SORCS1: variants seen among roughly 807,000 people sequenced by gnomAD.
SORCS1 encodes the protein sortilin related VPS10 domain containing receptor 1, also known as VPS10 domain-containing receptor SorCS1.
In SORCS1, 60 loss-of-function variants were observed where a neutral mutation model predicts 146.1. The ratio of observed to expected loss-of-function variants is 0.41; its 90% CI spans 0.33 to 0.51. SORCS1 has a LOEUF of 0.51. Ranked by LOEUF, SORCS1 falls within the 20% of genes least tolerant of loss-of-function variation. The pLI, the probability that SORCS1 is intolerant of heterozygous loss-of-function variation, is 0.21. For synonymous variants in SORCS1, 637 were observed against 584.0 expected (o/e 1.09, Z -1.31); for missense variants, 1,352 against 1,487.6 (o/e 0.91, Z 1.50).
At chr10:106,816,397 CAT>C (rs940693112) in intron 3 of SORCS1, among the ~76,000 whole-genome samples, 6 of 152,270 alleles carry the variant, frequency 3.9e-5, no homozygotes, top group African/African-American at 1.2e-4. Flanking sequence ...GCTGGTAACT[CAT>C]ATAATTTGAT....
At chr10:106,911,201 G>A (rs967924226) in intron 2 of SORCS1, among the ~76,000 whole-genome samples, 1 of 152,214 alleles carries the variant, frequency 6.6e-6, no homozygotes, top group Non-Finnish European at 1.5e-5. Context: ...TGCGACTGAT[G>A]ACACCAGTAG....
intron 2 of SORCS1, among the ~76,000 whole-genome samples, chr10:106,885,178 G>T (rs1950947817): frequency 6.6e-6 from 1 of 150,902 alleles, no homozygotes; most frequent in African/African-American, 2.4e-5. Flanking sequence ...GAGGCTAAGT[G>T]CTACAATAAT....
intron 4 of SORCS1, among the ~76,000 whole-genome samples, chr10:106,765,572 G>A (rs760352768): frequency 2.6e-4 from 40 of 152,084 alleles, no homozygotes; most frequent in Non-Finnish European, 4.3e-4. Flanking sequence ...CCAGTTGGGT[G>A]GTAGGCACTG....
At chr10:106,658,758 G>T (rs907677645) in intron 17 of SORCS1, among the ~76,000 whole-genome samples, 1 of 152,142 alleles carries the variant, frequency 6.6e-6, no homozygotes, top group African/African-American at 2.4e-5. Context: ...TGTAACTATA[G>T]ATCTCTCACA....
rs148410502 is a variant in SORCS1, at chr10:107,000,945, G to C, written c.559-44365C>G. ...ATTTGTAGAAGCAAAAATAGTGGGA[G>C]ATTTAATAGAGATCATGTAAAGAAT... On this transcript the variant is annotated intron_variant, in intron 1 of 25. Transcript: ENST00000263054. Among the ~76,000 whole-genome samples the C allele has an allele frequency of 1.1e-4, 16 of 151,952 alleles. No homozygotes were observed. The South Asian group carries it at 1.9e-3, about 18-fold the overall frequency.
chr10:106,678,374 G>A (rs1422624104), intron 12 of SORCS1, among the ~76,000 whole-genome samples: 4 of 152,050 alleles, frequency 2.6e-5, no homozygotes, highest in Non-Finnish European at 5.9e-5. Context: ...TTCCTCCTCC[G>A]CTCAAAATAT....
At chr10:106,971,729 A>C (rs1175103473) in intron 1 of SORCS1, among the ~76,000 whole-genome samples, 1 of 152,136 alleles carries the variant, frequency 6.6e-6, no homozygotes, top group South Asian at 2.1e-4. Flanking sequence ...GCTCTGTGGG[A>C]TTTTTGAAGG....
At chr10:106,587,544 G>A (rs11594304) in intron 24 of SORCS1, among the ~76,000 whole-genome samples, 30,494 of 152,156 alleles carry the variant, frequency 0.2, 3,292 homozygotes, top group East Asian at 0.35. Flanking sequence ...GACCTAGGTC[G>A]AAATTTGAAG....
At chr10:107,040,854 T>C (rs1389401708) in intron 1 of SORCS1, among the ~76,000 whole-genome samples, 2 of 152,254 alleles carry the variant, frequency 1.3e-5, no homozygotes, top group East Asian at 3.9e-4. Flanking sequence ...GCGTTGGAAA[T>C]GTCAATACCT....
intron 1 of SORCS1, among the ~76,000 whole-genome samples, chr10:107,154,639 C>A (rs1969131414): frequency 6.6e-6 from 1 of 152,000 alleles, no homozygotes; most frequent in South Asian, 2.1e-4. Context: ...GGACAGTGCC[C>A]CAATCTTCAA....
In SORCS1 at chr10:107,005,942, T is replaced by A. The variant is rs185488940; in HGVS notation, c.559-49362A>T. On this transcript the variant is annotated intron_variant, in intron 1 of 25. Transcript: ENST00000263054. ...CCACCATGATAGAAAATTATATCAA[T>A]TGCCCATTCTTGATTTTGTGGTAAT... Among the ~76,000 whole-genome samples, 9 of 152,330 alleles carry A rather than the reference T, an allele frequency of 5.9e-5. No individual in the cohort carries two copies. The East Asian group carries it at 1.7e-3, about 29-fold the overall frequency.
chr10:106,843,003 G>T (rs1272287559), intron 2 of SORCS1, among the ~76,000 whole-genome samples: 4 of 151,982 alleles, frequency 2.6e-5, no homozygotes, highest in Non-Finnish European at 5.9e-5. Context: ...TGTATTTAAG[G>T]TATACAATAT....
rs767029444 is a variant in SORCS1 at position 106,761,666 on chromosome 10, A to G, written c.886-5T>C. The G allele has an allele frequency of 1.7e-5, 28 of 1,613,836 alleles. No individual in the cohort carries two copies. Among genetic ancestry groups the G allele is most frequent in the South Asian group, 2.2e-5 (2 of 91,076 alleles). On this transcript the variant is annotated splice_polypyrimidine_tract_variant and splice_region_variant and intron_variant, in intron 4 of 25. Transcript: ENST00000263054. Reference sequence around the variant, plus strand: ...AAATTCAGCAGAGCTGTATAACTGTAAAGAACAGAAATTACTCAGCACTAT... The same window carrying G: ...AAATTCAGCAGAGCTGTATAACTGTGAAGAACAGAAATTACTCAGCACTAT...
chr10:106,920,631 C>A (rs11193102), intron 2 of SORCS1, among the ~76,000 whole-genome samples: 40,260 of 152,090 alleles, frequency 0.26, 6,336 homozygotes, highest in Non-Finnish European at 0.36. Context: ...AGTTTCTTGA[C>A]TCAACTTGCC....
chr10:106,805,897 A>C (rs1370909575), intron 3 of SORCS1, among the ~76,000 whole-genome samples: 1 of 149,308 alleles, frequency 6.7e-6, no homozygotes, highest in Non-Finnish European at 1.5e-5. Flanking sequence ...TCTCTACTAA[A>C]AAAATACAAA....
chr10:106,769,400 G>C (rs201489084), intron 4 of SORCS1, among the ~76,000 whole-genome samples: 11 of 151,078 alleles, frequency 7.3e-5, no homozygotes, highest in East Asian at 6.0e-4. Flanking sequence ...CAGGAGAATC[G>C]CTTGAAGCCA....
intron 2 of SORCS1, among the ~76,000 whole-genome samples, chr10:106,905,888 TC>T (rs1292718072): frequency 6.6e-6 from 1 of 152,196 alleles, no homozygotes; most frequent in Non-Finnish European, 1.5e-5. Flanking sequence ...TTTAAAACAA[TC>T]CCATAATGTA....
rs1457185496 is a variant in SORCS1 at position 107,057,800 on chromosome 10, G to A, written c.559-101220C>T. Among the ~76,000 whole-genome samples, 9 of 152,086 alleles carry A rather than the reference G, an allele frequency of 5.9e-5. No homozygotes were observed. The South Asian group carries it at 1.0e-3, about 18-fold the overall frequency. The stretch of plus-strand genomic sequence containing the variant: ...CTTCCTATAGTGGAAATATGTCCAC[G>A]GACCTTGTGTTTTGTTTCCTTGTTT... On this transcript the variant is annotated intron_variant, in intron 1 of 25. Coordinates refer to ENST00000263054, the MANE Select transcript of SORCS1 (RefSeq NM_052918.5).
chr10:107,072,675 A>G (rs1962539933), intron 1 of SORCS1, among the ~76,000 whole-genome samples: 1 of 151,648 alleles, frequency 6.6e-6, no homozygotes, highest in Non-Finnish European at 1.5e-5. Flanking sequence ...CACTTGCATT[A>G]TTTGCGTTAA....
Sources: allele counts gnomAD v4.1 joint callset (sites outside exome capture counted in the v4.1 genomes callset), GRCh38; gene constraint gnomAD v4.1.1; transcripts MANE v1.5; gene names NCBI Gene and HGNC (gene_info 2026-07-23, HGNC 2026-07-21).